Variants in LYPD6B observed in about 807,000 individuals in gnomAD.
LYPD6B encodes the protein ly6/PLAUR domain-containing protein 6B.
In LYPD6B, 17 loss-of-function variants were observed where a neutral mutation model predicts 22.8. The ratio of observed to expected loss-of-function variants is 0.75; its 90% CI spans 0.51 to 1.12. The LOEUF (loss-of-function observed/expected upper bound fraction) is 1.12, where lower values mean the gene tolerates loss of function less well. Among genes scored for constraint, LYPD6B ranks in the 50% most tolerant of loss-of-function variants. LYPD6B has a pLI of 0.00. For synonymous variants in LYPD6B, 106 were observed against 91.6 expected (o/e 1.16, Z -0.90); for missense variants, 221 against 258.3 (o/e 0.86, Z 0.99).
chr2:149,102,476 TTTGTATGCTTG>T (rs1364006251), intron 1 of LYPD6B, among the ~76,000 whole-genome samples: 1 of 152,132 alleles, frequency 6.6e-6, no homozygotes, highest in Non-Finnish European at 1.5e-5. Context: ...GTGTCTGTTG[TTTGTATGCTTG>T]TTCCATAAGC....
intron 1 of LYPD6B, among the ~76,000 whole-genome samples, chr2:149,127,735 A>C (rs1282438436): frequency 6.6e-6 from 1 of 152,172 alleles, no homozygotes. Flanking sequence ...ACCTTGCAGA[A>C]TATGTGCTAG....
rs191209291 is a variant in LYPD6B at position 149,100,661 on chromosome 2, T to A, written c.-66-30222T>A. ...CTTGGACAAGGTTAGTTCCTTCTCA[T>A]CAATCCCTTCAACTCCCACTGGTCT... On this transcript the variant is annotated intron_variant, in intron 1 of 6. Coordinates refer to ENST00000409642, the MANE Select transcript of LYPD6B (RefSeq NM_177964.5). 1.1e-4 allele frequency among the ~76,000 whole-genome samples: 17 copies of A among 152,280 alleles called. 1 individual carries two copies. The East Asian group carries it at 3.1e-3, about 28-fold the overall frequency.
intron 1 of LYPD6B, among the ~76,000 whole-genome samples, chr2:149,095,353 G>A (rs1436568197): frequency 6.6e-6 from 1 of 152,118 alleles, no homozygotes; most frequent in African/African-American, 2.4e-5. Flanking sequence ...TTTTAAAAGG[G>A]TAGTATGCAG....
chr2:149,131,185 C>T (rs1688007211), intron 2 of LYPD6B: 1 of 476,484 alleles, frequency 2.1e-6, no homozygotes, highest in Non-Finnish European at 3.7e-6. Flanking sequence ...AGCTGTGTCT[C>T]AGAATGTTTT....
At chr2:149,205,886 A>G (rs1013799751) in intron 4 of LYPD6B, 2 of 291,490 alleles carry the variant, frequency 6.9e-6, no homozygotes, top group Non-Finnish European at 1.4e-5. Flanking sequence ...ATAAGACTCA[A>G]CTTTTCCACT....
intron 1 of LYPD6B, among the ~76,000 whole-genome samples, chr2:149,061,223 G>A (rs546623118): frequency 1.3e-5 from 2 of 149,586 alleles, no homozygotes; most frequent in Non-Finnish European, 3.0e-5. Flanking sequence ...TTGAGACAGG[G>A]TCTTGCTCTG....
Position 149,213,035 on chromosome 2 carries a change from A to C in LYPD6B, c.372A>C (p.Gly124=), listed in dbSNP as rs1188390185. The part of the protein sequence containing the change: ...CLTVHHFTSH[G]RSTSITKKCA... ...CAGTTCATCACTTCACCAGCCACGG[A>C]AGAAGCACATCCATCACCAAAAAGT... is the stretch of plus-strand genomic sequence containing the variant. Residue 124 remains glycine, a synonymous_variant, in exon 6 of 7, where the codon GGA becomes GGC. Coordinates refer to ENST00000409642, the MANE Select transcript of LYPD6B (RefSeq NM_177964.5). 1 of 1,614,014 alleles carries C rather than the reference A, an allele frequency of 6.2e-7. No homozygotes were observed. Among genetic ancestry groups the C allele is most frequent in the Admixed American group, 1.7e-5 (1 of 60,020 alleles).
At chr2:149,155,819 A>G (rs1296505262) in intron 2 of LYPD6B, among the ~76,000 whole-genome samples, 1 of 152,190 alleles carries the variant, frequency 6.6e-6, no homozygotes, top group African/African-American at 2.4e-5. Flanking sequence ...TAGAAATTAA[A>G]CTATGGTGTT....
intron 2 of LYPD6B, among the ~76,000 whole-genome samples, chr2:149,148,021 A>T (rs1401232085): frequency 2.0e-5 from 3 of 151,652 alleles, no homozygotes; most frequent in Non-Finnish European, 2.9e-5. Flanking sequence ...ATATTTCAAG[A>T]TGGCTGTAGG....
intron 3 of LYPD6B, among the ~76,000 whole-genome samples, chr2:149,200,220 A>G (rs975269933): frequency 2.6e-5 from 4 of 152,188 alleles, no homozygotes; most frequent in East Asian, 3.9e-4. Context: ...TTCCCCTTAC[A>G]TTATGTATTT....
intron 3 of LYPD6B, among the ~76,000 whole-genome samples, chr2:149,179,622 T>C (rs1691566181): frequency 6.6e-6 from 1 of 152,194 alleles, no homozygotes; most frequent in South Asian, 2.1e-4. Flanking sequence ...ATTCAGAATA[T>C]CCAGGAGTTA....
intron 3 of LYPD6B, among the ~76,000 whole-genome samples, chr2:149,196,562 G>T (rs1692823495): frequency 1.3e-5 from 2 of 152,202 alleles, no homozygotes; most frequent in South Asian, 4.1e-4. Context: ...TCTGCATCGT[G>T]CAGCTCTCCC....
chr2:149,124,885 G>A (rs1687602288), intron 1 of LYPD6B, among the ~76,000 whole-genome samples: 1 of 152,180 alleles, frequency 6.6e-6, no homozygotes. Context: ...ATCAGGGAAT[G>A]TGATGAAGAA....
chr2:149,182,197 C>T (rs750854611), intron 3 of LYPD6B, among the ~76,000 whole-genome samples: 2 of 152,152 alleles, frequency 1.3e-5, no homozygotes, highest in Admixed American at 6.5e-5. Flanking sequence ...GAGGTATAAT[C>T]ATAATCATTT....
At chr2:149,132,758 T>G (rs1688108283) in intron 2 of LYPD6B, among the ~76,000 whole-genome samples, 1 of 152,222 alleles carries the variant, frequency 6.6e-6, no homozygotes, top group African/African-American at 2.4e-5. Flanking sequence ...CTCTGCTTCA[T>G]TGCTGCTTGG....
intron 3 of LYPD6B, among the ~76,000 whole-genome samples, chr2:149,181,648 AC>A (rs1448020073): frequency 6.6e-6 from 1 of 151,352 alleles, no homozygotes; most frequent in East Asian, 1.9e-4. Flanking sequence ...CTCTAACTCA[AC>A]TCCTGACTTT....
chr2:149,122,282 T>C (rs192451726), intron 1 of LYPD6B, among the ~76,000 whole-genome samples: 114 of 152,350 alleles, frequency 7.5e-4, no homozygotes, highest in African/African-American at 2.6e-3. Flanking sequence ...TCTAGTCATC[T>C]TGTGTTAGCT....
intron 1 of LYPD6B, among the ~76,000 whole-genome samples, chr2:149,129,092 T>C (rs6751411): frequency 0.21 from 31,970 of 152,070 alleles, 4,464 homozygotes; most frequent in East Asian, 0.54. Context: ...GTGGGGTTGC[T>C]TGCATGCTTC....
intron 4 of LYPD6B, chr2:149,205,914 CA>C (rs761953579): frequency 3.0e-6 from 1 of 329,472 alleles, no homozygotes; most frequent in Non-Finnish European, 6.2e-6. Context: ...TAAAGATAGG[CA>C]AATATTAGTA....
Sources: gnomAD v4.1 joint callset for allele counts (sites outside exome capture counted in the v4.1 genomes callset) on GRCh38, gnomAD v4.1.1 for gene constraint, MANE v1.5 for transcripts, NCBI Gene and HGNC (gene_info 2026-07-23, HGNC 2026-07-21) for gene names.